MYO9A: variants seen among roughly 807,000 people sequenced by gnomAD.
The protein encoded by MYO9A is unconventional myosin-IXa.
In MYO9A, 103 loss-of-function variants were observed where a neutral mutation model predicts 293.3. That is an observed-to-expected ratio of 0.35 (90% CI 0.30 to 0.41). The LOEUF is 0.41. MYO9A is among the 10% of genes least tolerant of loss of function. MYO9A has a pLI of 1.00. For missense variants in MYO9A, 2,685 were observed against 3,033.0 expected (o/e 0.89, Z 2.69); for synonymous variants, 1,001 against 1,035.7 (o/e 0.97, Z 0.64).
At chr15:72,007,388 T>C (rs1244586985) in intron 8 of MYO9A, among the ~76,000 whole-genome samples, 2 of 143,058 alleles carry the variant, frequency 1.4e-5, no homozygotes, top group African/African-American at 5.2e-5. Flanking sequence ...ATTCAACCCA[T>C]AAGGGAAAAA....
At chr15:71,867,516 G>C (rs1354592767) in intron 32 of MYO9A, among the ~76,000 whole-genome samples, 1 of 151,156 alleles carries the variant, frequency 6.6e-6, no homozygotes, top group African/African-American at 2.4e-5. Context: ...TCTCTCTAAT[G>C]TACAGAGTTG....
intron 13 of MYO9A, among the ~76,000 whole-genome samples, chr15:71,961,090 T>C (rs1014839342): frequency 1.3e-5 from 2 of 152,162 alleles, no homozygotes; most frequent in African/African-American, 4.8e-5. Flanking sequence ...CATTGGTTGC[T>C]GCATAGGAAA....
intron 15 of MYO9A, among the ~76,000 whole-genome samples, chr15:71,946,054 A>G (rs2058910245): frequency 6.6e-6 from 1 of 152,212 alleles, no homozygotes; most frequent in African/African-American, 2.4e-5. Context: ...AATAAATTCC[A>G]TGTGGTCTTC....
At chr15:72,108,060 T>A (rs142905881) in intron 1 of MYO9A, among the ~76,000 whole-genome samples, 28 of 152,276 alleles carry the variant, frequency 1.8e-4, no homozygotes, top group Non-Finnish European at 2.9e-4. Context: ...CATTTTGCAA[T>A]CCTTAATTAA....
At chr15:71,921,523 T>C (rs1413442100) in intron 18 of MYO9A, among the ~76,000 whole-genome samples, 1 of 152,194 alleles carries the variant, frequency 6.6e-6, no homozygotes, top group African/African-American at 2.4e-5. Context: ...ACTTCTTAAA[T>C]AGAGAACTTA....
chr15:71,912,593 A>G (rs1360561686), intron 19 of MYO9A, among the ~76,000 whole-genome samples: 1 of 152,174 alleles, frequency 6.6e-6, no homozygotes, highest in Non-Finnish European at 1.5e-5. Context: ...CTACATTTCT[A>G]TCAATCTGCC....
intron 18 of MYO9A, among the ~76,000 whole-genome samples, chr15:71,923,708 C>A (rs1453407796): frequency 1.3e-5 from 2 of 152,108 alleles, no homozygotes; most frequent in Non-Finnish European, 2.9e-5. Context: ...ATAATGTCAC[C>A]TTTTCACATC....
At chr15:71,927,463 T>C (rs2058342526) in intron 18 of MYO9A, among the ~76,000 whole-genome samples, 1 of 152,150 alleles carries the variant, frequency 6.6e-6, no homozygotes, top group African/African-American at 2.4e-5. Context: ...CCCCGTATGT[T>C]TTATTCTACA....
chr15:72,087,017 C>T (rs2079758616), intron 1 of MYO9A, among the ~76,000 whole-genome samples: 1 of 152,168 alleles, frequency 6.6e-6, no homozygotes, highest in African/African-American at 2.4e-5. Context: ...CCACCTGCCT[C>T]GGCCTCCCAA....
Position 71,916,424 on chromosome 15 carries a change from A to G in MYO9A, c.2631T>C (p.Ser877=), listed in dbSNP as rs759266654. ...TTTTCTTCTTGTGTAAATGAAGAAG[A>G]GACTTGGTAATGCGATCTTGTAGTG... The part of the protein sequence containing the change: ...RLTLQDRITK[S]LLHLHKKKKP... Residue 877 remains serine, a synonymous_variant, in exon 19 of 42, where the codon TCT becomes TCC. Transcript: ENST00000356056. The G allele has an allele frequency of 6.2e-7, 1 of 1,613,742 alleles. No individual in the cohort carries two copies. The highest frequency in any genetic ancestry group is 8.5e-7 in the Non-Finnish European group (1 of 1,179,856).
intron 1 of MYO9A, among the ~76,000 whole-genome samples, chr15:72,093,160 C>T (rs1018021292): frequency 4.6e-5 from 7 of 152,162 alleles, no homozygotes; most frequent in Non-Finnish European, 8.8e-5. Context: ...TATAAAATAA[C>T]TGCTTTCTAA....
chr15:71,843,445 T>G (rs2055251774), intron 39 of MYO9A, among the ~76,000 whole-genome samples: 2 of 152,028 alleles, frequency 1.3e-5, no homozygotes, highest in South Asian at 4.2e-4. Context: ...ATAAAGTAAA[T>G]AAATAAATAA....
chr15:72,060,561 C>T (rs1298026963), intron 1 of MYO9A, among the ~76,000 whole-genome samples: 1 of 152,098 alleles, frequency 6.6e-6, no homozygotes, highest in Non-Finnish European at 1.5e-5. Flanking sequence ...TGGGACTTTG[C>T]ATTGAAACTC....
chr15:71,941,430 A>G (rs980229909), intron 15 of MYO9A, among the ~76,000 whole-genome samples: 12 of 152,294 alleles, frequency 7.9e-5, no homozygotes, highest in East Asian at 1.9e-4. Context: ...GCAAGACTCC[A>G]TCTCAAAAAC....
At chr15:71,952,760 T>C (rs955574490) in intron 14 of MYO9A, among the ~76,000 whole-genome samples, 1 of 152,176 alleles carries the variant, frequency 6.6e-6, no homozygotes, top group Non-Finnish European at 1.5e-5. Flanking sequence ...TAGAGGCAAA[T>C]TAAGTAACAC....
intron 6 of MYO9A, among the ~76,000 whole-genome samples, chr15:72,017,010 C>CTTTTTTTTTT (rs61153023): frequency 3.4e-5 from 2 of 58,228 alleles, no homozygotes; most frequent in East Asian, 6.0e-4. Context: ...GAGCCCAAAT[C>CTTTTTTTTTT]TTTTTTTTTT....
At chr15:71,991,080 T>G (rs1278117881) in intron 11 of MYO9A, 23 bp downstream of exon 11, 1 of 1,552,190 alleles carries the variant, frequency 6.4e-7, no homozygotes, top group South Asian at 1.3e-5. Context: ...GGGGGACAAG[T>G]GTATACATAT....
At chr15:71,936,424 T>G (rs1462025563) in intron 16 of MYO9A, among the ~76,000 whole-genome samples, 2 of 152,082 alleles carry the variant, frequency 1.3e-5, no homozygotes, top group African/African-American at 2.4e-5. Flanking sequence ...ATGAAGTGAT[T>G]ATAGTTAACA....
rs2080111087 is a variant in MYO9A at position 72,097,764 on chromosome 15, G to C, written c.-72+19916C>G. On this transcript the variant is annotated intron_variant, in intron 1 of 41. Coordinates refer to ENST00000356056, the MANE Select transcript of MYO9A (RefSeq NM_006901.4). ...GTCTCTACTAAAAATACAAAAATGA[G>C]CTGGGCATGGTGGCGTGCGCCTGTA... 1.3e-5 allele frequency among the ~76,000 whole-genome samples: 2 copies of C among 152,092 alleles called. 1 individual carries two copies. Among genetic ancestry groups the C allele is most frequent in the South Asian group, 4.1e-4 (2 of 4,824 alleles).
Sources: allele counts gnomAD v4.1 joint callset (sites outside exome capture counted in the v4.1 genomes callset), GRCh38; gene constraint gnomAD v4.1.1; transcripts MANE v1.5; gene names NCBI Gene and HGNC (gene_info 2026-07-23, HGNC 2026-07-21).